Variants in TUSC3 observed in about 807,000 individuals in gnomAD.
TUSC3 encodes the protein dolichyl-diphosphooligosaccharide--protein glycosyltransferase subunit TUSC3.
A neutral mutation model predicts 44.8 loss-of-function variants in TUSC3; 45 were observed. That is an observed-to-expected ratio of 1.00 (90% CI 0.79 to 1.29). The LOEUF is 1.29. Among genes scored for constraint, TUSC3 ranks in the 50% most tolerant of loss-of-function variants. The pLI, the probability that TUSC3 is intolerant of heterozygous loss-of-function variation, is 0.00. For synonymous variants in TUSC3, 212 were observed against 152.9 expected, an observed-to-expected ratio of 1.39 and a Z score of -2.85; for missense variants, 519 against 437.9, an observed-to-expected ratio of 1.19 and a Z score of -1.65.
chr8:15,615,812 T>A (rs981397102), intron 1 of TUSC3, among the ~76,000 whole-genome samples: 19 of 152,022 alleles, frequency 1.2e-4, no homozygotes, highest in Admixed American at 9.8e-4. Context: ...ACTACAAAAA[T>A]GAGTTAAACC....
intron 6 of TUSC3, among the ~76,000 whole-genome samples, chr8:15,706,323 G>T (rs904296680): frequency 2.0e-5 from 3 of 151,976 alleles, no homozygotes; most frequent in Non-Finnish European, 2.9e-5. Flanking sequence ...CAAAGGAAAA[G>T]AAAGTGTTAT....
intron 5 of TUSC3, among the ~76,000 whole-genome samples, chr8:15,669,917 A>C (rs1055472180): frequency 6.6e-6 from 1 of 151,742 alleles, no homozygotes; most frequent in African/African-American, 2.4e-5. Context: ...ATAGAAAAAA[A>C]AATTAGACCT....
At chr8:15,626,201 A>T (rs1291129886) in intron 2 of TUSC3, among the ~76,000 whole-genome samples, 1 of 151,816 alleles carries the variant, frequency 6.6e-6, no homozygotes, top group East Asian at 1.9e-4. Context: ...AGCCTCTGCC[A>T]CTCCAGACCC....
intron 2 of TUSC3, among the ~76,000 whole-genome samples, chr8:15,627,133 C>G (rs1805547082): frequency 1.3e-5 from 2 of 152,186 alleles, no homozygotes; most frequent in South Asian, 4.1e-4. Flanking sequence ...GATGATGAGA[C>G]AAAGAGATGG....
At chr8:15,707,307 G>C (rs1809658302) in intron 6 of TUSC3, among the ~76,000 whole-genome samples, 2 of 151,956 alleles carry the variant, frequency 1.3e-5, no homozygotes, top group Non-Finnish European at 2.9e-5. Context: ...TTTGTTTCCT[G>C]TCCTGAACTT....
intron 1 of TUSC3, among the ~76,000 whole-genome samples, chr8:15,578,941 G>A (rs1340106544): frequency 6.6e-6 from 1 of 152,076 alleles, no homozygotes; most frequent in Non-Finnish European, 1.5e-5. Context: ...GAATCCATCT[G>A]GTCCTGGACT....
chr8:15,571,784 G>C (rs1361634938), intron 1 of TUSC3, among the ~76,000 whole-genome samples: 1 of 152,136 alleles, frequency 6.6e-6, no homozygotes, highest in Non-Finnish European at 1.5e-5. Context: ...TATCAACTAA[G>C]TTTATGCAGC....
chr8:15,836,842 C>A, the TUSC3 span, among the ~76,000 whole-genome samples: 1 of 152,090 alleles, frequency 6.6e-6, no homozygotes, highest in Non-Finnish European at 1.5e-5. Context: ...CAGTTTTATA[C>A]TTCTACTTTT....
intron 2 of TUSC3, among the ~76,000 whole-genome samples, chr8:15,645,372 C>G (rs1453459716): frequency 6.6e-6 from 1 of 152,090 alleles, no homozygotes; most frequent in South Asian, 2.1e-4. Flanking sequence ...TTTTCTCTCC[C>G]TGTCCTTGCT....
At chr8:15,677,226 C>A (rs1456082200) in intron 6 of TUSC3, among the ~76,000 whole-genome samples, 1 of 152,090 alleles carries the variant, frequency 6.6e-6, no homozygotes, top group Admixed American at 6.5e-5. Context: ...TCTTGAACTC[C>A]TGGACTCAAG....
chr8:15,529,046 C>T (rs962809907), intron 2 of TUSC3, among the ~76,000 whole-genome samples: 2 of 152,170 alleles, frequency 1.3e-5, no homozygotes, highest in African/African-American at 4.8e-5. Context: ...TTTCCTGATA[C>T]ATAGAACATG....
At chr8:15,487,823 T>C (rs1257989322) in intron 2 of TUSC3, among the ~76,000 whole-genome samples, 1 of 152,144 alleles carries the variant, frequency 6.6e-6, no homozygotes, top group African/African-American at 2.4e-5. Flanking sequence ...TGTTTTAAAA[T>C]TTCAAAAGCA....
intron 1 of TUSC3, among the ~76,000 whole-genome samples, chr8:15,546,510 A>T (rs941300865): frequency 1.3e-5 from 2 of 151,706 alleles, no homozygotes; most frequent in African/African-American, 4.8e-5. Context: ...TTAAGGCTTC[A>T]AAGATGTTAT....
At chr8:15,461,656 C>T (rs1363132695) in intron 1 of TUSC3, among the ~76,000 whole-genome samples, 4 of 151,420 alleles carry the variant, frequency 2.6e-5, no homozygotes, top group African/African-American at 4.9e-5. Flanking sequence ...TTCAGTATTA[C>T]GTTAGCTGTG....
intron 1 of TUSC3, among the ~76,000 whole-genome samples, chr8:15,622,726 A>G (rs76538403): frequency 0.022 from 3,353 of 152,020 alleles, 113 homozygotes; most frequent in African/African-American, 0.075. Context: ...GTTTGGCTAG[A>G]CTAGAGTAGA....
chr8:15,700,311 A>T (rs1809342105), intron 6 of TUSC3, among the ~76,000 whole-genome samples: 1 of 151,712 alleles, frequency 6.6e-6, no homozygotes, highest in Non-Finnish European at 1.5e-5. Flanking sequence ...GGGGTGTAAC[A>T]GTATTCTGGG....
rs1807468661 is a variant in TUSC3 at position 15,662,495 on chromosome 8, A to AAAG, written c.708+199_708+200insAAG. ...CTATCTTCCTTCAACTTTTCACTGC[A>AAAG]TGTACTGTCCCTCTGTACTTGGCAC... is the stretch of plus-strand genomic sequence containing the variant. On this transcript the variant is annotated intron_variant, in intron 5 of 10. Transcript: ENST00000503731. Among the ~76,000 whole-genome samples, 5 of 3,762 alleles carry AAAG rather than the reference A, an allele frequency of 1.3e-3. No individual in the cohort carries two copies. The East Asian group carries it at 0.023, about 17-fold the overall frequency. The allele number at this position is 3,762 out of a possible 152,430, so 2.5% of individuals were successfully genotyped here. A position where few individuals can be genotyped will look rare whatever the true frequency, so the allele number is the denominator to read the frequency against.
At chr8:15,655,668 C>T (rs1807128468) in intron 3 of TUSC3, among the ~76,000 whole-genome samples, 1 of 152,174 alleles carries the variant, frequency 6.6e-6, no homozygotes, top group Admixed American at 6.5e-5. Context: ...GCTTTATAAC[C>T]CTCAGATGAA....
At chr8:15,529,945 C>CCACCA (rs1178857652) in intron 2 of TUSC3, among the ~76,000 whole-genome samples, 185 of 32,394 alleles carry the variant, frequency 5.7e-3, no homozygotes, top group Non-Finnish European at 8.9e-3. Flanking sequence ...CTACAGGCGC[C>CCACCA]CGGCTAATTT....
Sources: gnomAD v4.1 joint callset for allele counts (sites outside exome capture counted in the v4.1 genomes callset) on GRCh38, gnomAD v4.1.1 for gene constraint, MANE v1.5 for transcripts, NCBI Gene and HGNC (gene_info 2026-07-23, HGNC 2026-07-21) for gene names.